Variants in SLITRK2 observed in about 807,000 individuals in gnomAD.
SLITRK2 encodes SLIT and NTRK like family member 2.
SLITRK2 carries 13 observed loss-of-function variants against 35.4 expected under a neutral mutation model. The ratio of observed to expected loss-of-function variants is 0.37; its 90% CI spans 0.24 to 0.58. The LOEUF is 0.58. Ranked by LOEUF, SLITRK2 falls within the 20% of genes least tolerant of loss-of-function variation. The pLI is 0.75. For missense variants in SLITRK2, 471 were observed against 634.3 expected (o/e 0.74, Z 2.76); for synonymous variants, 294 against 264.7 (o/e 1.11, Z -1.07).
At position 145,822,466 on chromosome X, in the gene SLITRK2, C is replaced by T. The variant is rs2124146853; in HGVS notation, c.41C>T (p.Ala14Val). The T allele has an allele frequency of 8.3e-7, 1 of 1,210,261 alleles. No individual in the cohort carries two copies. Among genetic ancestry groups the T allele is most frequent in the Non-Finnish European group, 1.1e-6 (1 of 894,730 alleles). Residue 14 changes from alanine to valine, a missense_variant, in exon 5 of 5, where the codon GCC becomes GTC. This residue lies in a region of SLITRK2 where 98 missense variants were observed against 120.6 expected (regional missense o/e 0.81). Coordinates refer to ENST00000335565, the MANE Select transcript of SLITRK2 (RefSeq NM_032539.5). ...GVWFLSVLTV[A>V]GILQTESRKT... The stretch of plus-strand genomic sequence containing the variant: ...TGGTTCCTCAGTGTGTTAACCGTGG[C>T]CGGGATCTTACAGACAGAGAGTCGC...
chrX:145,824,616 G>C lies in SLITRK2; in HGVS notation c.2191G>C (p.Ala731Pro). ...SNLEEKKEEP[A>P]TPAYTISATE... ...CCTGGAGGAGAAAAAAGAAGAGCCA[G>C]CCACACCTGCTTACACAATAAGTGC... Residue 731 changes from alanine to proline, a missense_variant, in exon 5 of 5, where the codon GCC (alanine) becomes CCC (proline). Coordinates refer to ENST00000335565, the MANE Select transcript of SLITRK2 (RefSeq NM_032539.5). The C allele has an allele frequency of 8.3e-7, 1 of 1,211,060 alleles. No individual in the cohort carries two copies. The highest frequency in any genetic ancestry group is 1.1e-6 in the Non-Finnish European group (1 of 895,452).
rs190763558 is a variant in SLITRK2 at position 145,827,017 on chromosome X, T to A, written c.*2054T>A. 210 of 112,136 alleles carry A rather than the reference T, an allele frequency of 1.9e-3. No homozygotes were observed. The highest frequency in any genetic ancestry group is 6.5e-3 in the African/African-American group (202 of 30,968). The allele number at this position is 112,136 out of a possible 1,213,427, so 9.2% of individuals were successfully genotyped here. ...CATATCTTTAACAACATAAAATCTC[T>A]GAATATCTACAGTGGCAAGCTAACA... On this transcript the variant is annotated 3_prime_UTR_variant, in exon 5 of 5. Coordinates refer to ENST00000335565, the MANE Select transcript of SLITRK2 (RefSeq NM_032539.5).
chrX:145,818,215 C>T (rs183144192), intron 1 of SLITRK2, 189 bp downstream of exon 1: 2 of 112,750 alleles, frequency 1.8e-5, no homozygotes, highest in African/African-American at 3.2e-5. Flanking sequence ...TTCCTCACCC[C>T]GGGACCGTCC....
chrX:145,824,524 T>C lies in SLITRK2; in HGVS notation c.2099T>C (p.Ile700Thr), dbSNP rs2124204617. The change falls in exon 5 of 5, where the codon ATC becomes ACC. Residue 700 changes from isoleucine (I) to threonine (T), a missense_variant. By Grantham distance (89) the Ile-to-Thr change is moderately conservative. Coordinates refer to ENST00000335565, the MANE Select transcript of SLITRK2 (RefSeq NM_032539.5). ...PPVGQMCQNP[I>T]YMQKEGDPVA... ...GTGGGTCAGATGTGCCAAAACCCCATCTACATGCAGAAGGAAGGAGACCCA... is the reference window on the plus strand; with the variant it reads ...GTGGGTCAGATGTGCCAAAACCCCACCTACATGCAGAAGGAAGGAGACCCA... 1.7e-6 allele frequency: 2 copies of C among 1,210,461 alleles called. No individual in the cohort carries two copies. Among genetic ancestry groups the C allele is most frequent in the East Asian group, 3.0e-5 (1 of 33,772 alleles).
At chrX:145,819,028 G>C (rs1416566681) in intron 1 of SLITRK2, 1 of 111,470 alleles carries the variant, frequency 9.0e-6, no homozygotes, top group East Asian at 2.8e-4. Flanking sequence ...GACCTCCTTA[G>C]GGTCCGAGTG....
At chrX:145,822,205 G>A (rs2073032334) in intron 4 of SLITRK2, 52 bp downstream of exon 4, 1 of 398,162 alleles carries the variant, frequency 2.5e-6, no homozygotes, top group Non-Finnish European at 4.3e-6. Flanking sequence ...TCGGGATGGG[G>A]GAATAGGGAG....
rs1556944406 is a variant in SLITRK2, at chrX:145,823,563, C to T, written c.1138C>T (p.Leu380Phe). ...LQPKPTSPKK[L>F]YLTGNYLQTV... is the part of the protein sequence containing the mutation. ...GCCCAAACCGACCAGTCCAAAGAAACTCTACCTAACAGGGAACTATCTTCA... is the reference window on the plus strand; with the variant it reads ...GCCCAAACCGACCAGTCCAAAGAAATTCTACCTAACAGGGAACTATCTTCA... Residue 380 changes from leucine to phenylalanine, a missense_variant, in exon 5 of 5, where the codon CTC becomes TTC. Physicochemically the swap from Leu to Phe is conservative, Grantham distance 22. This residue lies in a region of SLITRK2 where 92 missense variants were observed against 184.2 expected (regional missense o/e 0.50). Transcript: ENST00000335565. The T allele has an allele frequency of 8.3e-7, 1 of 1,211,469 alleles. No individual in the cohort carries two copies. Among genetic ancestry groups the T allele is most frequent in the Non-Finnish European group, 1.1e-6 (1 of 895,112 alleles).
At position 145,822,797 on chromosome X, in the gene SLITRK2, A is replaced by G. The variant is rs782437667; in HGVS notation, c.372A>G (p.Ile124Met). 8 of 1,211,119 alleles carry G rather than the reference A, an allele frequency of 6.6e-6. No individual in the cohort carries two copies. The South Asian group carries it at 8.8e-5, about 13-fold the overall frequency. Reference sequence around the variant, plus strand: ...ATCTCAACAACAACAAGCTTGAGATATTGAGGGAGGACACCTTCCTAGGCC... The same window carrying G: ...ATCTCAACAACAACAAGCTTGAGATGTTGAGGGAGGACACCTTCCTAGGCC... ...RLHLNNNKLE[I>M]LREDTFLGLE... Residue 124 changes from isoleucine to methionine, a missense_variant, in exon 5 of 5, where the codon ATA becomes ATG. Around this residue, in one of 7 missense-constraint regions of SLITRK2, gnomAD observed 98 missense variants for 120.6 expected, o/e 0.81. Transcript: ENST00000335565.
At position 145,823,539 on chromosome X, in the gene SLITRK2, C is replaced by A. The variant is rs2124177535; in HGVS notation, c.1114C>A (p.Pro372Thr). 8.3e-7 allele frequency: 1 copy of A among 1,211,495 alleles called. No homozygotes were observed. The highest frequency in any genetic ancestry group is 3.0e-5 in the East Asian group (1 of 33,818). The stretch of plus-strand genomic sequence containing the variant: ...GTTCACTAATATCTCTGACCTGCAG[C>A]CCAAACCGACCAGTCCAAAGAAACT... ...RKFTNISDLQ[P>T]KPTSPKKLYL... The change falls in exon 5 of 5, where the codon CCC (proline) becomes ACC (threonine). Residue 372 changes from proline (P) to threonine (T), a missense_variant. By Grantham distance (38) the Pro-to-Thr change is conservative. Coordinates refer to ENST00000335565, the MANE Select transcript of SLITRK2 (RefSeq NM_032539.5).
rs1309071254 is a variant in SLITRK2, at chrX:145,826,169, A to G, written c.*1206A>G. 1 of 111,709 alleles carries G rather than the reference A, an allele frequency of 9.0e-6. No homozygotes were observed. The highest frequency in any genetic ancestry group is 1.9e-5 in the Non-Finnish European group (1 of 53,129). 9.2% of individuals were successfully genotyped at this position (111,709 alleles called of 1,213,427 possible). On this transcript the variant is annotated 3_prime_UTR_variant, in exon 5 of 5. Coordinates refer to ENST00000335565, the MANE Select transcript of SLITRK2 (RefSeq NM_032539.5). ...TCATGGGTGAGATTAAAACTTCCCA[A>G]GTAAGTTCTCTGCAAAATTCAAGGT...
Position 145,823,294 on chromosome X carries a change from A to G in SLITRK2, c.869A>G (p.Asn290Ser), listed in dbSNP as rs1343371448. 10 of 1,209,677 alleles carry G rather than the reference A, an allele frequency of 8.3e-6. No individual in the cohort carries two copies. The highest frequency in any genetic ancestry group is 2.2e-5 in the Admixed American group (1 of 45,755). The change falls in exon 5 of 5, where the codon AAT (asparagine) becomes AGT (serine). Residue 290 changes from asparagine (N) to serine (S), a missense_variant. By Grantham distance (46) the Asn-to-Ser change is conservative (BLOSUM62 1). Around this residue, in one of 7 missense-constraint regions of SLITRK2, gnomAD observed 56 missense variants for 48.7 expected, o/e 1.15. Coordinates refer to ENST00000335565, the MANE Select transcript of SLITRK2 (RefSeq NM_032539.5). ...GTCCAAAGGCTGTCACCTACAATGAATCCTGCTCTCAACCCAACCAGGGCT... is the reference window on the plus strand; with the variant it reads ...GTCCAAAGGCTGTCACCTACAATGAGTCCTGCTCTCAACCCAACCAGGGCT... ...THVQRLSPTM[N>S]PALNPTRAPK...
intron 2 of SLITRK2, chrX:145,820,813 TG>T (rs1349100159): frequency 1.8e-5 from 2 of 111,462 alleles, no homozygotes; most frequent in Non-Finnish European, 3.8e-5. Context: ...GGTTTGTTTT[TG>T]TTTTTCTCAG....
In SLITRK2 at chrX:145,825,732, G is replaced by T. The variant is rs1239122368; in HGVS notation, c.*769G>T. On this transcript the variant is annotated 3_prime_UTR_variant, in exon 5 of 5. Coordinates refer to ENST00000335565, the MANE Select transcript of SLITRK2 (RefSeq NM_032539.5). ...AACTATAAAATATTTCCTTTCCTCT[G>T]GGTTTAAGTGATTTTATTTAAGTCA... The T allele has an allele frequency of 8.1e-6, 1 of 122,789 alleles. No individual in the cohort carries two copies. The highest frequency in any genetic ancestry group is 1.9e-5 in the Non-Finnish European group (1 of 53,088). The allele number at this position is 122,789 out of a possible 1,213,427, so 10.1% of individuals were successfully genotyped here. A position where few individuals can be genotyped will look rare whatever the true frequency, so the allele number is the denominator to read the frequency against.
rs1342499214 is a variant in SLITRK2, at chrX:145,826,834, G to A, written c.*1871G>A. On this transcript the variant is annotated 3_prime_UTR_variant, in exon 5 of 5. Coordinates refer to ENST00000335565, the MANE Select transcript of SLITRK2 (RefSeq NM_032539.5). ...GCTTTAAAATTACCAATAGTATATT[G>A]TCTGTCACTATAAACAATTCATGTG... The A allele has an allele frequency of 8.9e-6, 1 of 111,859 alleles. No homozygotes were observed. The highest frequency in any genetic ancestry group is 1.9e-5 in the Non-Finnish European group (1 of 53,100). The allele number at this position is 111,859 out of a possible 1,213,427, so 9.2% of individuals were successfully genotyped here.
rs782787006 is a variant in SLITRK2 at position 145,822,582 on chromosome X, A to G, written c.157A>G (p.Thr53Ala). The G allele has an allele frequency of 1.7e-6, 2 of 1,211,674 alleles. No individual in the cohort carries two copies. The highest frequency in any genetic ancestry group is 2.2e-5 in the Admixed American group (1 of 46,079). Residue 53 changes from threonine (T) to alanine (A), a missense_variant, in exon 5 of 5, where the codon ACA becomes GCA. Coordinates refer to ENST00000335565, the MANE Select transcript of SLITRK2 (RefSeq NM_032539.5). ...CAACTGTGAGAACAAAGGATTTACA[A>G]CAGTTAGCCTGCTCCAGCCCCCCCA... ...NINCENKGFTTVSLLQPPQYR... is the reference protein window; with the variant it reads ...NINCENKGFTAVSLLQPPQYR...
intron 1 of SLITRK2, chrX:145,819,707 T>A (rs2072961095): frequency 8.9e-6 from 1 of 111,962 alleles, no homozygotes; most frequent in Non-Finnish European, 1.9e-5. Context: ...GCAATTGCAA[T>A]ACAGGGTGGG....
At chrX:145,822,261 C>T (rs1490773727) in intron 4 of SLITRK2, 108 bp downstream of exon 4, 3 of 442,843 alleles carry the variant, frequency 6.8e-6, no homozygotes, top group Admixed American at 8.4e-5. Flanking sequence ...TTCATTCTGC[C>T]GTGTTGCTAA....
rs1374305014 is a variant in SLITRK2, at chrX:145,818,043, C to T, written c.-793+17C>T. ...GCTCGCTCGGTAAGTTCTGAGCACT[C>T]AGGGACGCGGTGGCGACGCGGCCAG... On this transcript the variant is annotated intron_variant, in intron 1 of 4. Transcript: ENST00000335565. 1.8e-5 allele frequency: 2 copies of T among 111,399 alleles called. No homozygotes were observed. Among genetic ancestry groups the T allele is most frequent in the African/African-American group, 6.5e-5 (2 of 30,609 alleles). The allele number at this position is 111,399 out of a possible 1,213,427, so 9.2% of individuals were successfully genotyped here.
chrX:145,824,375 G>GCC lies in SLITRK2; in HGVS notation c.1951_1952dup (p.Ser652ArgfsTer10). The GCC allele has an allele frequency of 8.3e-7, 1 of 1,211,211 alleles. No homozygotes were observed. Among genetic ancestry groups the GCC allele is most frequent in the Non-Finnish European group, 1.1e-6 (1 of 895,378 alleles). On this transcript the variant is annotated frameshift_variant, in exon 5 of 5. Coordinates refer to ENST00000335565, the MANE Select transcript of SLITRK2 (RefSeq NM_032539.5). LOFTEE classifies it high-confidence loss of function. ...TTGTCTTGAAACGCCGAAAGGGAGT[G>GCC]CCGAGCGTTCCCAGGAATACCAACA...
Sources: allele counts gnomAD v4.1 joint callset, GRCh38; gene constraint gnomAD v4.1.1; regional missense constraint gnomAD v4.1.1; transcripts MANE v1.5; gene names NCBI Gene and HGNC (gene_info 2026-07-23, HGNC 2026-07-21).